SPATA22: variants seen among roughly 807,000 people sequenced by gnomAD.
SPATA22 encodes the protein spermatogenesis associated 22, also known as spermatogenesis-associated protein 22.
Under a neutral mutation model 47.8 loss-of-function variants are expected in SPATA22, and 29 were observed. The observed-to-expected ratio is 0.61, with a 90% CI of 0.45 to 0.83. The LOEUF is 0.83. SPATA22 is among the 40% of genes least tolerant of loss of function. The probability of loss-of-function intolerance (pLI) is 0.00; values close to 1 mark genes in which losing one functional copy is unlikely to be tolerated. For synonymous variants in SPATA22, 133 were observed against 140.9 expected (o/e 0.94, Z 0.40); for missense variants, 410 against 421.7 (o/e 0.97, Z 0.24).
chr17:3,493,193 G>T (rs1197591452), intron 1 of SPATA22, among the ~76,000 whole-genome samples: 1 of 152,118 alleles, frequency 6.6e-6, no homozygotes, highest in Admixed American at 6.6e-5. Flanking sequence ...TTGGAAGTTG[G>T]TCTCCACCAC....
intron 1 of SPATA22, chr17:3,483,622 A>G: frequency 1.3e-6 from 2 of 1,539,252 alleles, no homozygotes; most frequent in Non-Finnish European, 1.8e-6. Flanking sequence ...GTCATAACTC[A>G]ATAAAATATG....
intron 1 of SPATA22, among the ~76,000 whole-genome samples, chr17:3,493,496 G>C (rs1315407475): frequency 6.8e-6 from 1 of 147,460 alleles, no homozygotes; most frequent in East Asian, 2.0e-4. Flanking sequence ...GGGAGGTGGA[G>C]GTTGCAGTGA....
chr17:3,481,563 G>A (rs750900258), intron 1 of SPATA22: 4 of 1,548,244 alleles, frequency 2.6e-6, no homozygotes, highest in African/African-American at 1.4e-5. Context: ...ATTATCTCAG[G>A]CACAGATGTT....
In SPATA22 at chr17:3,469,299, T is replaced by C; in HGVS notation, c.27A>G (p.Ser9=). 1.3e-6 allele frequency: 2 copies of C among 1,559,672 alleles called. No homozygotes were observed. Among genetic ancestry groups the C allele is most frequent in the Admixed American group, 1.7e-5 (1 of 57,220 alleles). Reference sequence around the variant, plus strand: ...GTTCAATACCTGCTGTACTTCGAGCTGAATTTTCATTTAGGCTTCGCTTCA... The same window carrying C: ...GTTCAATACCTGCTGTACTTCGAGCCGAATTTTCATTTAGGCTTCGCTTCA... MKRSLNEN[S]ARSTAGCLPV... is the part of the protein sequence containing the mutation. Residue 9 remains serine, a synonymous_variant, in exon 2 of 9, where the codon TCA becomes TCG. Transcript: ENST00000572969.
At chr17:3,462,642 T>C in intron 4 of SPATA22, 64 bp from the exon 5 acceptor site, 1 of 1,577,968 alleles carries the variant, frequency 6.3e-7, no homozygotes, top group South Asian at 1.1e-5. Context: ...AATTAAGATA[T>C]ACGTAGAAGA....
intron 1 of SPATA22, chr17:3,512,387 C>G (rs1174598129): frequency 6.6e-6 from 1 of 152,222 alleles, no homozygotes; most frequent in Non-Finnish European, 1.5e-5. Context: ...CTCTATCTGT[C>G]CAGCTAGTCT....
chr17:3,505,932 A>G (rs919042188), intron 1 of SPATA22, among the ~76,000 whole-genome samples: 4 of 151,756 alleles, frequency 2.6e-5, no homozygotes, highest in African/African-American at 9.7e-5. Context: ...TAATTTTTAT[A>G]TTTTTAGTAG....
At chr17:3,476,222 T>C (rs2073520045), upstream of SPATA22, 2 of 1,614,140 alleles carry the variant, frequency 1.2e-6, no homozygotes, top group African/African-American at 1.3e-5. Context: ...GAGGAACCCA[T>C]GGGAATGAGC....
chr17:3,488,321 C>T lies in SPATA22; in HGVS notation c.-73-18923G>A, dbSNP rs999684369. On this transcript the variant is annotated intron_variant, in intron 1 of 8. Coordinates refer to the SPATA22 transcript ENST00000541913. The surrounding 1 kb of genome is among the most constrained non-coding windows in gnomAD (Gnocchi z 6.1). ...AGACCTAATAGTACAGGCATCATTT[C>T]ATATGAGTTAGAAGAAATGAACACA... Among the ~76,000 whole-genome samples, 19 of 152,152 alleles carry T rather than the reference C, an allele frequency of 1.2e-4. No homozygotes were observed. Among genetic ancestry groups the T allele is most frequent in the African/African-American group, 4.6e-4 (19 of 41,426 alleles).
intron 1 of SPATA22, among the ~76,000 whole-genome samples, chr17:3,495,600 G>A (rs550352116): frequency 2.1e-4 from 32 of 152,126 alleles, no homozygotes; most frequent in African/African-American, 6.5e-4. Flanking sequence ...ATGGAGTCTC[G>A]CTCTGTCGCC....
chr17:3,464,888 T>TG (rs557037862), intron 3 of SPATA22, among the ~76,000 whole-genome samples: 3,734 of 69,260 alleles, frequency 0.054, 362 homozygotes, highest in East Asian at 0.094. Context: ...GGGAGGGGGG[T>TG]GGGGGGGGGT....
rs559247127 is a variant in SPATA22 at position 3,481,940 on chromosome 17, G to C, written c.-73-12542C>G. ...ATTCCATAGCCAGGCTTGGTGGTTG[G>C]GGGGAAAGGGTGCTACCAGAACACA... On this transcript the variant is annotated intron_variant, in intron 1 of 8. Coordinates refer to the SPATA22 transcript ENST00000541913. 14 of 765,478 alleles carry C rather than the reference G, an allele frequency of 1.8e-5. No individual in the cohort carries two copies. The East Asian group carries it at 1.9e-4, about 11-fold the overall frequency. 47.4% of individuals were successfully genotyped at this position (765,478 alleles called of 1,614,324 possible).
At chr17:3,480,130 C>T (rs184917114) in intron 1 of SPATA22, among the ~76,000 whole-genome samples, 2 of 152,312 alleles carry the variant, frequency 1.3e-5, no homozygotes, top group African/African-American at 2.4e-5. Context: ...TGTGGCTGCT[C>T]ATACTTGTAA....
chr17:3,506,988 A>AGGG (rs1772820479), intron 1 of SPATA22, among the ~76,000 whole-genome samples: 3 of 138,148 alleles, frequency 2.2e-5, no homozygotes, highest in African/African-American at 8.3e-5. Context: ...AGGAAAAGAG[A>AGGG]AGGAAGGGAG....
upstream of SPATA22, chr17:3,471,929 C>T (rs1567606617): frequency 1.1e-6 from 1 of 924,372 alleles, no homozygotes; most frequent in Non-Finnish European, 1.3e-6. Flanking sequence ...ATGACGTTAA[C>T]GCTCTTCCTT....
intron 1 of SPATA22, among the ~76,000 whole-genome samples, chr17:3,508,508 C>T (rs2074063229): frequency 6.7e-6 from 1 of 148,648 alleles, no homozygotes; most frequent in South Asian, 2.2e-4. Context: ...CCCAGATGTC[C>T]AACAATGATA....
intron 1 of SPATA22, among the ~76,000 whole-genome samples, chr17:3,477,254 A>T (rs1483695444): frequency 6.6e-6 from 1 of 152,212 alleles, no homozygotes; most frequent in Admixed American, 6.5e-5. Context: ...TGTAGATGGG[A>T]TACCAGAGAT....
At chr17:3,478,233 CA>C (rs1410297636) in intron 1 of SPATA22, among the ~76,000 whole-genome samples, 1 of 151,932 alleles carries the variant, frequency 6.6e-6, no homozygotes, top group African/African-American at 2.4e-5. Flanking sequence ...CACAACTAGC[CA>C]CTGTTCTATG....
upstream of SPATA22, among the ~76,000 whole-genome samples, chr17:3,473,802 T>C (rs957987233): frequency 6.6e-6 from 1 of 152,178 alleles, no homozygotes; most frequent in Non-Finnish European, 1.5e-5. Context: ...GGCATCCTTT[T>C]GTTTTAAACT....
Sources: gnomAD v4.1 joint callset for allele counts (sites outside exome capture counted in the v4.1 genomes callset) on GRCh38, gnomAD v4.1.1 for gene constraint, Gnocchi (gnomAD v3.1) non-coding constraint, MANE v1.5 for transcripts, NCBI Gene and HGNC (gene_info 2026-07-23, HGNC 2026-07-21) for gene names.